Variants in PRPF18 observed in about 807,000 individuals in gnomAD.
The protein encoded by PRPF18 is pre-mRNA-splicing factor 18.
PRPF18 carries 38 observed loss-of-function variants against 46.5 expected under a neutral mutation model. The observed-to-expected ratio is 0.82, with a 90% CI of 0.63 to 1.07. PRPF18 has a LOEUF of 1.07. Among genes scored for constraint, PRPF18 ranks in the 50% least tolerant of loss-of-function variants. The pLI, the probability that PRPF18 is intolerant of heterozygous loss-of-function variation, is 0.00. For missense variants in PRPF18, 263 were observed against 410.0 expected (o/e 0.64, Z 3.10); for synonymous variants, 152 against 146.7 (o/e 1.04, Z -0.26).
At chr10:13,645,562 AT>A in the PRPF18 span, 1 of 152,422 alleles carries the variant, frequency 6.6e-6, no homozygotes, top group Non-Finnish European at 1.5e-5. Context: ...CCACACATTA[AT>A]TTTTTTCTTC....
chr10:13,652,293 G>T, the PRPF18 span: 1 of 383,080 alleles, frequency 2.6e-6, no homozygotes, highest in Non-Finnish European at 4.8e-6. Context: ...AGTTGTAGGT[G>T]GTGAAATAGG....
intron 9 of PRPF18, among the ~76,000 whole-genome samples, chr10:13,629,898 A>T (rs906320222): frequency 6.6e-6 from 1 of 152,206 alleles, no homozygotes; most frequent in African/African-American, 2.4e-5. Flanking sequence ...TTAATTCTCT[A>T]TTGGAACCTG....
chr10:13,629,372 G>A (rs1400387873), intron 9 of PRPF18, among the ~76,000 whole-genome samples: 1 of 152,184 alleles, frequency 6.6e-6, no homozygotes, highest in African/African-American at 2.4e-5. Context: ...GTTTTATTGT[G>A]TAATATTTGG....
the PRPF18 span, chr10:13,647,356 G>A: frequency 6.6e-6 from 1 of 152,220 alleles, no homozygotes; most frequent in East Asian, 1.9e-4. Flanking sequence ...ACTCATGCCT[G>A]GGCCCAATTG....
chr10:13,599,987 G>A lies in PRPF18; in HGVS notation c.145-257G>A, dbSNP rs981551229. On this transcript the variant is annotated intron_variant, in intron 2 of 9. Transcript: ENST00000378572. ...CTGTTAAATTTGGATTTTGGAAATC[G>A]TGGTAGTCGTGTCACTCTTTTATAG... Among the ~76,000 whole-genome samples the A allele has an allele frequency of 1.1e-4, 17 of 152,290 alleles. 1 individual carries two copies. The highest frequency in any genetic ancestry group is 4.1e-4 in the South Asian group (2 of 4,828).
chr10:13,608,605 A>G (rs1472474198), intron 4 of PRPF18, among the ~76,000 whole-genome samples: 1 of 152,202 alleles, frequency 6.6e-6, no homozygotes, highest in African/African-American at 2.4e-5. Flanking sequence ...CAGTGACCAC[A>G]TCTTCTCTCG....
chr10:13,623,589 G>A (rs1408101345), intron 9 of PRPF18, among the ~76,000 whole-genome samples: 1 of 152,104 alleles, frequency 6.6e-6, no homozygotes, highest in Non-Finnish European at 1.5e-5. Context: ...TTAACAACAT[G>A]TCTTTATACT....
the PRPF18 span, chr10:13,639,880 C>T: frequency 6.6e-6 from 1 of 152,162 alleles, no homozygotes; most frequent in Non-Finnish European, 1.5e-5. Context: ...AGGGAGCTCC[C>T]CCCTTCTATT....
At chr10:13,593,169 A>G (rs1589117021) in intron 1 of PRPF18, among the ~76,000 whole-genome samples, 1 of 152,368 alleles carries the variant, frequency 6.6e-6, no homozygotes, top group East Asian at 1.9e-4. Context: ...TTGGAAAATA[A>G]AATTAGTAAG....
chr10:13,618,829 C>G (rs1164942140), intron 9 of PRPF18, among the ~76,000 whole-genome samples: 1 of 151,920 alleles, frequency 6.6e-6, no homozygotes, highest in Non-Finnish European at 1.5e-5. Flanking sequence ...CATGATAGAG[C>G]AAGAGAGGTG....
intron 3 of PRPF18, among the ~76,000 whole-genome samples, chr10:13,604,937 T>A (rs2080163201): frequency 6.6e-6 from 1 of 152,190 alleles, no homozygotes; most frequent in South Asian, 2.1e-4. Flanking sequence ...ATGCCCCTTT[T>A]CTTACAAAAA....
chr10:13,602,744 A>G (rs1475708814), intron 3 of PRPF18, among the ~76,000 whole-genome samples: 1 of 152,010 alleles, frequency 6.6e-6, no homozygotes, highest in African/African-American at 2.4e-5. Flanking sequence ...TTACTTTTCG[A>G]TTTTTTGAGA....
chr10:13,647,413 G>A, the PRPF18 span: 8 of 152,214 alleles, frequency 5.3e-5, no homozygotes, highest in African/African-American at 1.9e-4. Flanking sequence ...CTCCCCACCA[G>A]GTGATTCTCA....
Position 13,630,384 on chromosome 10 carries a change from G to A in PRPF18, c.*44G>A. 2 of 1,480,502 alleles carry A rather than the reference G, an allele frequency of 1.4e-6. No individual in the cohort carries two copies. Among genetic ancestry groups the A allele is most frequent in the Non-Finnish European group, 1.9e-6 (2 of 1,067,346 alleles). 91.7% of individuals were successfully genotyped at this position (1,480,502 alleles called of 1,614,324 possible). ...TAATAACAATAAGAAACTTAGGGAA[G>A]CAGGCTGTGGACTTCTGGAATTACC... is the stretch of plus-strand genomic sequence containing the variant. On this transcript the variant is annotated 3_prime_UTR_variant, in exon 10 of 10. Coordinates refer to ENST00000378572, the MANE Select transcript of PRPF18 (RefSeq NM_003675.4).
intron 4 of PRPF18, 64 bp downstream of exon 4, chr10:13,605,808 C>G: frequency 6.7e-7 from 1 of 1,498,066 alleles, no homozygotes; most frequent in Non-Finnish European, 8.9e-7. Context: ...TAGAGTTTGA[C>G]TAATTGCATT....
At chr10:13,621,824 G>T (rs1025220687) in intron 9 of PRPF18, among the ~76,000 whole-genome samples, 12 of 152,114 alleles carry the variant, frequency 7.9e-5, no homozygotes, top group Non-Finnish European at 1.3e-4. Context: ...GTAAGCTTAA[G>T]TTTATAAGTT....
chr10:13,636,053 G>A, the PRPF18 span, among the ~76,000 whole-genome samples: 1,981 of 152,258 alleles, frequency 0.013, 48 homozygotes, highest in African/African-American at 0.045. Flanking sequence ...TGATCACCTT[G>A]GGCTGGTTGC....
At chr10:13,650,777 T>C in the PRPF18 span, among the ~76,000 whole-genome samples, 1 of 152,174 alleles carries the variant, frequency 6.6e-6, no homozygotes, top group Non-Finnish European at 1.5e-5. Flanking sequence ...TAACCACCCC[T>C]CACCCTTATC....
chr10:13,590,238 A>G (rs1217006872), intron 1 of PRPF18, among the ~76,000 whole-genome samples: 4 of 152,004 alleles, frequency 2.6e-5, no homozygotes, highest in Admixed American at 1.3e-4. Context: ...AATTCCAGCC[A>G]GAAGATAAGA....
Sources: gnomAD v4.1 joint callset for allele counts (sites outside exome capture counted in the v4.1 genomes callset) on GRCh38, gnomAD v4.1.1 for gene constraint, MANE v1.5 for transcripts, NCBI Gene and HGNC (gene_info 2026-07-23, HGNC 2026-07-21) for gene names.